The following VAV2 variants were observed in gnomAD, a reference collection of about 807,000 sequenced individuals.
The protein encoded by VAV2 is guanine nucleotide exchange factor VAV2.
A neutral mutation model predicts 132.5 loss-of-function variants in VAV2; 67 were observed. The ratio of observed to expected loss-of-function variants is 0.51; its 90% CI spans 0.42 to 0.62. The LOEUF is 0.62. Ranked by LOEUF, VAV2 falls within the 20% of genes least tolerant of loss-of-function variation. VAV2 has a pLI of 0.00. For missense variants in VAV2, 938 were observed against 1,153.6 expected (o/e 0.81, Z 2.71); for synonymous variants, 492 against 443.5 (o/e 1.11, Z -1.37).
chr9:133,783,419 C>T, intron 19 of VAV2, 84 bp downstream of exon 19: 3 of 1,393,826 alleles, frequency 2.2e-6, no homozygotes, highest in South Asian at 2.3e-5. Context: ...GAGATGGTGC[C>T]CGAGGCCCGT....
At chr9:133,942,658 C>A (rs994078185) in intron 1 of VAV2, among the ~76,000 whole-genome samples, 1 of 152,254 alleles carries the variant, frequency 6.6e-6, no homozygotes, top group Admixed American at 6.5e-5. Flanking sequence ...AGATCCCAAC[C>A]ATAATCACAG....
At chr9:133,813,139 G>C (rs1835421097) in intron 4 of VAV2, among the ~76,000 whole-genome samples, 1 of 152,206 alleles carries the variant, frequency 6.6e-6, no homozygotes, top group African/African-American at 2.4e-5. Context: ...ACTGCACCTG[G>C]GGGTGGAGGG....
intron 2 of VAV2, among the ~76,000 whole-genome samples, chr9:133,891,800 A>G: frequency 1.7e-4 from 1 of 6,028 alleles, no homozygotes; most frequent in Non-Finnish European, 4.1e-4. Flanking sequence ...TATGGAGGGG[A>G]GGGAGGGAGA....
At chr9:133,976,816 A>C (rs991721273) in intron 1 of VAV2, among the ~76,000 whole-genome samples, 6 of 152,042 alleles carry the variant, frequency 3.9e-5, no homozygotes, top group African/African-American at 1.4e-4. Flanking sequence ...GCATGGACGG[A>C]CTCTGTGTGG....
At chr9:133,850,823 C>T (rs1198576721) in intron 3 of VAV2, among the ~76,000 whole-genome samples, 1 of 152,244 alleles carries the variant, frequency 6.6e-6, no homozygotes, top group Admixed American at 6.5e-5. Context: ...CTTCCTCAAA[C>T]AGAGGGTTCT....
At chr9:133,975,900 T>C (rs1209712515) in intron 1 of VAV2, among the ~76,000 whole-genome samples, 1 of 152,116 alleles carries the variant, frequency 6.6e-6, no homozygotes, top group Non-Finnish European at 1.5e-5. Flanking sequence ...CAGGGGACTT[T>C]TAAAAATGCT....
In VAV2 at chr9:133,912,426, G is replaced by A. The variant is rs924531853; in HGVS notation, c.321+26677C>T. Among the ~76,000 whole-genome samples, 2 of 152,194 alleles carry A rather than the reference G, an allele frequency of 1.3e-5. No individual in the cohort carries two copies. The highest frequency in any genetic ancestry group is 4.8e-5 in the African/African-American group (2 of 41,450). ...CTTCTGGAGGACAGTGTGCCTAGAT[G>A]AAGGAACCAGGACGCAGTGGCGCTT... On this transcript the variant is annotated intron_variant, in intron 2 of 29. Transcript: ENST00000371850. This position sits in a 1 kb window ranked among gnomAD's most constrained non-coding sequence, Gnocchi z 4.3.
At chr9:133,866,742 G>A (rs1397072594) in intron 2 of VAV2, among the ~76,000 whole-genome samples, 1 of 150,250 alleles carries the variant, frequency 6.7e-6, no homozygotes, top group African/African-American at 2.5e-5. Context: ...GGACGTGGAG[G>A]TTCCAGTGGG....
At chr9:133,836,928 A>G (rs1407140056) in intron 3 of VAV2, among the ~76,000 whole-genome samples, 5 of 152,136 alleles carry the variant, frequency 3.3e-5, no homozygotes, top group African/African-American at 1.2e-4. Context: ...GGTTCTTAAC[A>G]CAGGGCTCTA....
chr9:133,788,304 C>T lies in VAV2; in HGVS notation c.1407+50G>A, dbSNP rs760756137. 6.4e-7 allele frequency: 1 copy of T among 1,572,800 alleles called. No individual in the cohort carries two copies. The highest frequency in any genetic ancestry group is 8.7e-7 in the Non-Finnish European group (1 of 1,148,606). ...GGGTCTGGAACCCAGTGCCTCTCTC[C>T]AGGCCACCCCCACGTTCCTGGGTAG... is the stretch of plus-strand genomic sequence containing the variant. On this transcript the variant is annotated intron_variant, in intron 15 of 29. Transcript: ENST00000371850. This position sits in a 1 kb window ranked among gnomAD's most constrained non-coding sequence, Gnocchi z 5.3.
intron 1 of VAV2, among the ~76,000 whole-genome samples, chr9:133,968,987 T>C (rs1842238341): frequency 6.6e-6 from 1 of 151,936 alleles, no homozygotes; most frequent in Admixed American, 6.6e-5. Context: ...AGTGCCCTTT[T>C]CTAAGAAAAA....
intron 1 of VAV2, among the ~76,000 whole-genome samples, chr9:133,976,260 T>A (rs549239726): frequency 6.6e-6 from 1 of 151,632 alleles, no homozygotes; most frequent in East Asian, 1.9e-4. Flanking sequence ...CACAAGGGGA[T>A]CCTTTCTGCA....
At chr9:133,867,396 C>A (rs148482861) in intron 2 of VAV2, among the ~76,000 whole-genome samples, 1 of 152,214 alleles carries the variant, frequency 6.6e-6, no homozygotes, top group Non-Finnish European at 1.5e-5. Context: ...CCACTGAGTG[C>A]CCCCATGGTG....
chr9:133,928,650 T>A lies in VAV2; in HGVS notation c.321+10453A>T, dbSNP rs1840567778. ...AGGAAATGAACAAACACATGCAGCC[T>A]CGGGGCCTGGGTGTGGAGATAAGGG... On this transcript the variant is annotated intron_variant, in intron 2 of 29. Transcript: ENST00000371850. This position sits in a 1 kb window ranked among gnomAD's most constrained non-coding sequence, Gnocchi z 5.4. Among the ~76,000 whole-genome samples, 1 of 152,128 alleles carries A rather than the reference T, an allele frequency of 6.6e-6. No homozygotes were observed. Among genetic ancestry groups the A allele is most frequent in the Non-Finnish European group, 1.5e-5 (1 of 68,016 alleles).
intron 3 of VAV2, among the ~76,000 whole-genome samples, chr9:133,850,163 A>T (rs1379189110): frequency 1.3e-5 from 2 of 152,194 alleles, no homozygotes; most frequent in Admixed American, 6.5e-5. Flanking sequence ...TAGATGAGGG[A>T]ACAAGCTCAG....
chr9:133,899,837 C>G (rs1839368102), intron 2 of VAV2, among the ~76,000 whole-genome samples: 1 of 150,824 alleles, frequency 6.6e-6, no homozygotes, highest in Admixed American at 6.6e-5. Context: ...CTGACTAACA[C>G]AGTGAAACCC....
intron 3 of VAV2, among the ~76,000 whole-genome samples, chr9:133,860,008 A>C (rs1412223939): frequency 6.6e-6 from 1 of 152,186 alleles, no homozygotes; most frequent in Non-Finnish European, 1.5e-5. Flanking sequence ...TTTAATTTTA[A>C]GAGTCTATCC....
intron 4 of VAV2, among the ~76,000 whole-genome samples, chr9:133,820,617 G>C (rs1835750955): frequency 6.6e-6 from 1 of 151,914 alleles, no homozygotes; most frequent in East Asian, 1.9e-4. Context: ...GAGCCACCGC[G>C]CCCGGCCTCC....
chr9:133,941,632 C>T (rs913812558), intron 1 of VAV2, among the ~76,000 whole-genome samples: 6 of 146,702 alleles, frequency 4.1e-5, no homozygotes, highest in East Asian at 4.0e-4. Context: ...GACGGAATTT[C>T]GCCCTTGTTT....
Sources: allele counts gnomAD v4.1 joint callset (sites outside exome capture counted in the v4.1 genomes callset), GRCh38; gene constraint gnomAD v4.1.1; non-coding constraint Gnocchi (gnomAD v3.1); transcripts MANE v1.5; gene names NCBI Gene and HGNC (gene_info 2026-07-23, HGNC 2026-07-21).